TSPAN18: variants seen among roughly 807,000 people sequenced by gnomAD.
TSPAN18 encodes tetraspanin-18.
Under a neutral mutation model 27.3 loss-of-function variants are expected in TSPAN18, and 14 were observed. The observed-to-expected ratio is 0.51, with a 90% confidence interval of 0.34 to 0.80. TSPAN18 has a LOEUF of 0.80. TSPAN18 is among the 30% of genes least tolerant of loss of function. The pLI is 0.01. For synonymous variants in TSPAN18, 143 were observed against 136.5 expected (o/e 1.05, Z -0.33); for missense variants, 268 against 323.9 (o/e 0.83, Z 1.32).
chr11:44,821,928 A>G (rs1049619294), intron 2 of TSPAN18, among the ~76,000 whole-genome samples: 3 of 152,194 alleles, frequency 2.0e-5, no homozygotes, highest in Non-Finnish European at 2.9e-5. Context: ...CAGAACTGCA[A>G]TCTCGACTGT....
intron 2 of TSPAN18, among the ~76,000 whole-genome samples, chr11:44,854,460 G>A (rs1857685328): frequency 6.6e-6 from 1 of 152,166 alleles, no homozygotes; most frequent in Non-Finnish European, 1.5e-5. Flanking sequence ...TCCATACGTG[G>A]CAATGTGCTG....
At chr11:44,916,750 G>A (rs1011520059) in intron 5 of TSPAN18, among the ~76,000 whole-genome samples, 1 of 152,092 alleles carries the variant, frequency 6.6e-6, no homozygotes. Context: ...GCAGGCAGGC[G>A]GTCCTAACGA....
At chr11:44,808,010 C>T (rs982588950) in intron 2 of TSPAN18, among the ~76,000 whole-genome samples, 7 of 152,244 alleles carry the variant, frequency 4.6e-5, no homozygotes, top group Non-Finnish European at 4.4e-5. Context: ...CCCTGGGGTG[C>T]GGTCTCAGGA....
chr11:44,792,195 G>C (rs2135045309), intron 2 of TSPAN18, among the ~76,000 whole-genome samples: 1 of 152,260 alleles, frequency 6.6e-6, no homozygotes, highest in Non-Finnish European at 1.5e-5. Context: ...TAATAGTCCT[G>C]AGAAATTCAG....
chr11:44,729,982 G>T (rs1368469000), intron 1 of TSPAN18, among the ~76,000 whole-genome samples: 1 of 152,160 alleles, frequency 6.6e-6, no homozygotes, highest in Non-Finnish European at 1.5e-5. Context: ...AAATGAATAT[G>T]TTGGCTGAGG....
intron 1 of TSPAN18, among the ~76,000 whole-genome samples, chr11:44,748,115 C>A (rs1855125118): frequency 6.6e-6 from 1 of 152,166 alleles, no homozygotes; most frequent in African/African-American, 2.4e-5. Context: ...TTAGAGAGAT[C>A]ATCATTTTCT....
At chr11:44,868,939 C>G (rs1472732220) in intron 3 of TSPAN18, among the ~76,000 whole-genome samples, 1 of 152,222 alleles carries the variant, frequency 6.6e-6, no homozygotes, top group Non-Finnish European at 1.5e-5. Context: ...TGGCCCTGGT[C>G]TGTGTGTACT....
intron 2 of TSPAN18, among the ~76,000 whole-genome samples, chr11:44,779,535 A>G (rs539898930): frequency 1.3e-5 from 2 of 152,260 alleles, no homozygotes; most frequent in East Asian, 1.9e-4. Flanking sequence ...CATCAATCTC[A>G]TGGAGAAAAT....
chr11:44,798,350 T>A (rs1376389548), intron 2 of TSPAN18, among the ~76,000 whole-genome samples: 1 of 148,286 alleles, frequency 6.7e-6, no homozygotes, highest in Non-Finnish European at 1.5e-5. Flanking sequence ...GTCATCACCA[T>A]CCTCATTTCA....
At position 44,807,192 on chromosome 11, in the gene TSPAN18, T is replaced by TA. The variant is rs1046665098; in HGVS notation, c.-153+42724dup. Among the ~76,000 whole-genome samples, 18 of 67,334 alleles carry TA rather than the reference T, an allele frequency of 2.7e-4. 3 individuals carry two copies. The highest frequency in any genetic ancestry group is 1.3e-3 in the African/African-American group (16 of 12,256). 44.2% of individuals were successfully genotyped at this position (67,334 alleles called of 152,430 possible). A position where few individuals can be genotyped will look rare whatever the true frequency, so the allele number is the denominator to read the frequency against. On this transcript the variant is annotated intron_variant, in intron 2 of 9. Transcript: ENST00000520358. Reference sequence around the variant, plus strand: ...GGCTAAGTAGCAAGACCCTGTCTCTTAAAAAAAAAAAAAAAAAAAAAAAAA... The same window carrying TA: ...GGCTAAGTAGCAAGACCCTGTCTCTTAAAAAAAAAAAAAAAAAAAAAAAAAA...
intron 3 of TSPAN18, among the ~76,000 whole-genome samples, chr11:44,898,132 G>C (rs1054164503): frequency 1.1e-4 from 16 of 152,200 alleles, no homozygotes; most frequent in South Asian, 6.2e-4. Context: ...ACAAGTCCAT[G>C]CCTTTATGAA....
intron 2 of TSPAN18, among the ~76,000 whole-genome samples, chr11:44,858,388 T>C (rs1857791644): frequency 6.6e-6 from 1 of 151,426 alleles, no homozygotes; most frequent in Admixed American, 6.6e-5. Flanking sequence ...CCTCTCCCTT[T>C]GAGTTATTAC....
chr11:44,809,198 C>T (rs2135092336), intron 2 of TSPAN18, among the ~76,000 whole-genome samples: 1 of 152,236 alleles, frequency 6.6e-6, no homozygotes, highest in South Asian at 2.1e-4. Flanking sequence ...AACACTGTGC[C>T]ATTCTGAGTT....
chr11:44,804,365 A>G (rs1383920046), intron 2 of TSPAN18, among the ~76,000 whole-genome samples: 1 of 152,248 alleles, frequency 6.6e-6, no homozygotes, highest in Non-Finnish European at 1.5e-5. Flanking sequence ...TGCTGGGATT[A>G]CAGGCGTAAG....
At chr11:44,807,209 AAAAAAAAAAAAAAAAAAAAAAAAAAAAG>A (rs71038823) in intron 2 of TSPAN18, among the ~76,000 whole-genome samples, 49,677 of 95,358 alleles carry the variant, frequency 0.52, 12,734 homozygotes, top group South Asian at 0.61. Context: ...AAAAAAAAAA[AAAAAAAAAAAAAAAAAAAAAAAAAAAAG>A]AAGGAAAGAG....
intron 3 of TSPAN18, among the ~76,000 whole-genome samples, chr11:44,876,244 G>A (rs1858328961): frequency 6.6e-6 from 1 of 152,186 alleles, no homozygotes; most frequent in Admixed American, 6.5e-5. Flanking sequence ...GAACAAAGGT[G>A]GGTCAATGCT....
chr11:44,819,610 G>A (rs1369024133), intron 2 of TSPAN18, among the ~76,000 whole-genome samples: 3 of 152,028 alleles, frequency 2.0e-5, no homozygotes, highest in Non-Finnish European at 4.4e-5. Context: ...CTGCTCTTGG[G>A]CACGGCAGTG....
intron 2 of TSPAN18, among the ~76,000 whole-genome samples, chr11:44,858,029 A>G (rs199730519): frequency 9.9e-5 from 15 of 152,174 alleles, no homozygotes; most frequent in East Asian, 3.9e-4. Flanking sequence ...AATCCAGTCT[A>G]TTTCACAGCC....
chr11:44,898,215 A>G (rs1462702391), intron 3 of TSPAN18, among the ~76,000 whole-genome samples: 8 of 152,204 alleles, frequency 5.3e-5, no homozygotes, highest in Admixed American at 5.2e-4. Context: ...TGCTGTACCC[A>G]CAGGGCACTG....
Sources: gnomAD v4.1 joint callset for allele counts (sites outside exome capture counted in the v4.1 genomes callset) on GRCh38, gnomAD v4.1.1 for gene constraint, MANE v1.5 for transcripts, NCBI Gene and HGNC (gene_info 2026-07-23, HGNC 2026-07-21) for gene names.